The following CFAP61 variants were observed in gnomAD, a reference collection of about 807,000 sequenced individuals.
CFAP61 encodes cilia and flagella associated protein 61, also known as cilia- and flagella-associated protein 61.
In CFAP61, 107 loss-of-function variants were observed where a neutral mutation model predicts 135.6. That is an observed-to-expected ratio of 0.79 (90% CI 0.67 to 0.93). The LOEUF is 0.93. Among genes scored for constraint, CFAP61 ranks in the 40% least tolerant of loss-of-function variants. The probability of loss-of-function intolerance (pLI) is 0.00; values close to 1 mark genes in which losing one functional copy is unlikely to be tolerated. For synonymous variants in CFAP61, 575 were observed against 578.5 expected (o/e 0.99, Z 0.09); for missense variants, 1,507 against 1,556.2 (o/e 0.97, Z 0.53).
At chr20:20,109,470 CCTT>C (rs1462693385) in intron 8 of CFAP61, among the ~76,000 whole-genome samples, 1 of 152,156 alleles carries the variant, frequency 6.6e-6, no homozygotes, top group Non-Finnish European at 1.5e-5. Context: ...ATACGTCAGT[CCTT>C]CTATGCTTGA....
intron 25 of CFAP61, among the ~76,000 whole-genome samples, chr20:20,318,209 C>T (rs532781995): frequency 5.8e-4 from 89 of 152,332 alleles, no homozygotes; most frequent in African/African-American, 1.6e-3. Flanking sequence ...TGACCCCACT[C>T]TCTTTTTCCA....
At chr20:20,090,391 C>T (rs1438640304) in intron 6 of CFAP61, among the ~76,000 whole-genome samples, 1 of 152,040 alleles carries the variant, frequency 6.6e-6, no homozygotes, top group African/African-American at 2.4e-5. Flanking sequence ...TCTGTTTCTC[C>T]TATTAGAAGG....
At chr20:20,176,378 A>G (rs1297843294) in intron 13 of CFAP61, among the ~76,000 whole-genome samples, 1 of 148,454 alleles carries the variant, frequency 6.7e-6, no homozygotes, top group East Asian at 1.9e-4. Flanking sequence ...AATATAAATC[A>G]TTCTATTTTA....
At chr20:20,240,385 A>G (rs1464595729) in intron 18 of CFAP61, among the ~76,000 whole-genome samples, 1 of 152,090 alleles carries the variant, frequency 6.6e-6, no homozygotes, top group Non-Finnish European at 1.5e-5. Context: ...TTCTGTGGCA[A>G]CAGCTCCTGG....
intron 12 of CFAP61, among the ~76,000 whole-genome samples, chr20:20,166,942 A>C (rs1427693958): frequency 6.6e-6 from 1 of 152,176 alleles, no homozygotes; most frequent in Admixed American, 6.5e-5. Context: ...ATCCAAGTAC[A>C]AATAAGATTC....
In CFAP61 at chr20:20,191,361, C is replaced by G. The variant is rs909173924; in HGVS notation, c.1532C>G (p.Ala511Gly). Residue 511 changes from alanine to glycine, a missense_variant, in exon 15 of 27, where the codon GCA becomes GGA. By Grantham distance (60) the Ala-to-Gly change is moderately conservative. Transcript: ENST00000245957. ...RKDPDGTLLQ[A>G]FVAEVAEQIV... ...TTTCAGGATGGAACACTGCTGCAGGCATTTGTAGCTGAAGTTGCAGAACAA... is the reference window on the plus strand; with the variant it reads ...TTTCAGGATGGAACACTGCTGCAGGGATTTGTAGCTGAAGTTGCAGAACAA... The G allele has an allele frequency of 6.2e-7, 1 of 1,613,108 alleles. No individual in the cohort carries two copies. Among genetic ancestry groups the G allele is most frequent in the Admixed American group, 1.7e-5 (1 of 60,020 alleles).
chr20:20,200,759 G>A, intron 17 of CFAP61: 2 of 985,434 alleles, frequency 2.0e-6, no homozygotes, highest in Non-Finnish European at 2.4e-6. Context: ...TGGAGACGAT[G>A]CTGAAATAAA....
intron 17 of CFAP61, chr20:20,220,243 C>T (rs1197904282): frequency 6.6e-6 from 1 of 152,226 alleles, no homozygotes; most frequent in Non-Finnish European, 1.5e-5. Flanking sequence ...GTTAGGAGAA[C>T]TTCTGGGTGG....
intron 25 of CFAP61, among the ~76,000 whole-genome samples, chr20:20,340,773 T>C (rs1349815508): frequency 6.6e-6 from 1 of 152,020 alleles, no homozygotes; most frequent in Non-Finnish European, 1.5e-5. Context: ...GGAAAGACAG[T>C]GTGTTAACAG....
At chr20:20,189,715 T>C (rs940537582) in intron 14 of CFAP61, among the ~76,000 whole-genome samples, 1 of 152,230 alleles carries the variant, frequency 6.6e-6, no homozygotes, top group African/African-American at 2.4e-5. Flanking sequence ...AAACTGGATC[T>C]CTAGTGTTGC....
chr20:20,123,955 T>A (rs73605595), intron 8 of CFAP61, among the ~76,000 whole-genome samples: 13,791 of 148,194 alleles, frequency 0.093, 1,453 homozygotes, highest in East Asian at 0.58. Context: ...GCCTTCTTGG[T>A]TATGTATATT....
intron 18 of CFAP61, among the ~76,000 whole-genome samples, chr20:20,244,256 G>A (rs577227936): frequency 2.1e-4 from 32 of 152,296 alleles, no homozygotes; most frequent in African/African-American, 5.5e-4. Context: ...CTGTGTGGGC[G>A]CCCTGACTCC....
At chr20:20,293,153 T>C (rs2055125436) in intron 24 of CFAP61, among the ~76,000 whole-genome samples, 1 of 152,248 alleles carries the variant, frequency 6.6e-6, no homozygotes, top group Non-Finnish European at 1.5e-5. Flanking sequence ...GGACTTGGTT[T>C]CAGCCAGAAC....
intron 8 of CFAP61, among the ~76,000 whole-genome samples, chr20:20,134,433 C>T (rs2050768131): frequency 6.6e-6 from 1 of 152,152 alleles, no homozygotes; most frequent in African/African-American, 2.4e-5. Flanking sequence ...GCAATCAAGA[C>T]CTTGCATGCC....
rs574115116 is a variant in CFAP61 at position 20,117,662 on chromosome 20, A to G, written c.859+18848A>G. On this transcript the variant is annotated intron_variant, in intron 8 of 26. Transcript: ENST00000245957. ...TTTTGATAAGCCTTTCTTTGAATCT[A>G]TAAATTGCTTTGGGTATTACTGTCG... Among the ~76,000 whole-genome samples the G allele has an allele frequency of 2.6e-5, 4 of 152,262 alleles. No individual in the cohort carries two copies. The East Asian group carries it at 5.8e-4, about 22-fold the overall frequency.
intron 14 of CFAP61, among the ~76,000 whole-genome samples, chr20:20,190,567 A>G (rs2055848049): frequency 6.6e-6 from 1 of 152,128 alleles, no homozygotes; most frequent in Non-Finnish European, 1.5e-5. Flanking sequence ...TGATGAAATC[A>G]TGTGAAACTT....
At chr20:20,163,355 C>G (rs181783295) in intron 10 of CFAP61, among the ~76,000 whole-genome samples, 213 of 152,244 alleles carry the variant, frequency 1.4e-3, no homozygotes, top group Non-Finnish European at 2.3e-3. Flanking sequence ...TCCACCTCCC[C>G]ACGATAGTTA....
At chr20:20,215,654 G>T (rs910928729) in intron 17 of CFAP61, among the ~76,000 whole-genome samples, 2 of 152,104 alleles carry the variant, frequency 1.3e-5, no homozygotes, top group Non-Finnish European at 2.9e-5. Flanking sequence ...ATAATACCAC[G>T]TGACTCCTAA....
At chr20:20,105,011 G>A (rs1159426198) in intron 8 of CFAP61, among the ~76,000 whole-genome samples, 10 of 152,102 alleles carry the variant, frequency 6.6e-5, no homozygotes, top group Admixed American at 6.5e-4. Context: ...TTCAGTGTAC[G>A]AGTTTTGGGG....
Sources: gnomAD v4.1 joint callset for allele counts (sites outside exome capture counted in the v4.1 genomes callset) on GRCh38, gnomAD v4.1.1 for gene constraint, MANE v1.5 for transcripts, NCBI Gene and HGNC (gene_info 2026-07-23, HGNC 2026-07-21) for gene names.